Variants in RBM10 observed in about 807,000 individuals in gnomAD.
RBM10 encodes RNA binding motif protein 10, also known as RNA-binding protein 10.
RBM10 carries 1 observed loss-of-function variant against 84.9 expected under a neutral mutation model. The observed-to-expected ratio is 0.01, with a 90% CI of 0.00 to 0.06. The LOEUF is 0.06. RBM10 is among the 10% of genes least tolerant of loss of function. The pLI is 1.00. For synonymous variants in RBM10, 326 were observed against 344.5 expected, an observed-to-expected ratio of 0.95 and a Z score of 0.60; for missense variants, 438 against 839.0, an observed-to-expected ratio of 0.52 and a Z score of 5.90.
chrX:47,157,275 G>A, intron 2 of RBM10: 1 of 327,267 alleles, frequency 3.1e-6, no homozygotes, highest in Non-Finnish European at 6.0e-6. Flanking sequence ...CACGGTGTAG[G>A]ACTTGCTGAC....
chrX:47,183,796 A>G (rs1935707355), intron 17 of RBM10, among the ~76,000 whole-genome samples: 1 of 109,873 alleles, frequency 9.1e-6, no homozygotes, highest in South Asian at 3.9e-4. Flanking sequence ...TCCTGGGTTC[A>G]AGCAATTCTC....
chrX:47,151,994 T>C (rs985404849), intron 2 of RBM10, among the ~76,000 whole-genome samples: 1 of 111,490 alleles, frequency 9.0e-6, no homozygotes, highest in Non-Finnish European at 1.9e-5. Context: ...GTTGGATCGC[T>C]TGAGGCCAGG....
At chrX:47,154,640 G>A (rs967487352) in intron 2 of RBM10, among the ~76,000 whole-genome samples, 4 of 108,687 alleles carry the variant, frequency 3.7e-5, no homozygotes, top group African/African-American at 1.0e-4. Context: ...TAGTAGAGAC[G>A]GGGTTTCACC....
Position 47,145,230 on chromosome X carries a change from A to G in RBM10, c.-381A>G, listed in dbSNP as rs1556761488. ...CAGAGCGCGCTTCCTTAGTAGGTGG[A>G]TGGTGGTCGGAGCGCCGACTCCCTT... On this transcript the variant is annotated 5_prime_UTR_variant, in exon 1 of 24. It removes an upstream start codon present in the reference 5' UTR. Coordinates refer to ENST00000377604, the MANE Select transcript of RBM10 (RefSeq NM_005676.5). 2 of 456,405 alleles carry G rather than the reference A, an allele frequency of 4.4e-6. No individual in the cohort carries two copies. The highest frequency in any genetic ancestry group is 7.5e-5 in the East Asian group (2 of 26,614). 37.6% of individuals were successfully genotyped at this position (456,405 alleles called of 1,213,427 possible). A position where few individuals can be genotyped will look rare whatever the true frequency, so the allele number is the denominator to read the frequency against.
At chrX:47,156,447 A>T (rs1933153972) in intron 2 of RBM10, among the ~76,000 whole-genome samples, 2 of 111,233 alleles carry the variant, frequency 1.8e-5, no homozygotes, top group African/African-American at 6.5e-5. Context: ...CTTTTTCCTA[A>T]CGCTGGACCA....
chrX:47,154,982 C>A (rs1290542838), intron 2 of RBM10, among the ~76,000 whole-genome samples: 8 of 106,621 alleles, frequency 7.5e-5, no homozygotes. Flanking sequence ...CCCATCTCTA[C>A]TAAAAATACA....
At chrX:47,178,987 C>G in intron 7 of RBM10, 116 bp from the exon 8 acceptor site, 4 of 1,162,123 alleles carry the variant, frequency 3.4e-6, no homozygotes, top group Non-Finnish European at 4.6e-6. Flanking sequence ...CCACCATTGC[C>G]TAGGGGCTTT....
chrX:47,147,860 G>A (rs1932434473), intron 2 of RBM10, among the ~76,000 whole-genome samples: 1 of 111,554 alleles, frequency 9.0e-6, no homozygotes, highest in Admixed American at 9.5e-5. Flanking sequence ...GACAAGCCAG[G>A]TCAGATAGTG....
chrX:47,170,855 C>T (rs1278870602), intron 3 of RBM10, among the ~76,000 whole-genome samples, 173 bp from the exon 4 acceptor site: 1 of 112,485 alleles, frequency 8.9e-6, no homozygotes, highest in Non-Finnish European at 1.9e-5. Flanking sequence ...AATTTACAGT[C>T]CCAGAAAGAT....
chrX:47,184,599 C>T (rs1308306641), intron 17 of RBM10, among the ~76,000 whole-genome samples: 1 of 110,835 alleles, frequency 9.0e-6, no homozygotes, highest in Non-Finnish European at 1.9e-5. Context: ...TGTCCCTCAC[C>T]TTCTGATTGT....
In RBM10 at chrX:47,180,062, G is replaced by T. The variant is rs1197376976; in HGVS notation, c.1062+22G>T. On this transcript the variant is annotated intron_variant, in intron 10 of 23. Coordinates refer to ENST00000377604, the MANE Select transcript of RBM10 (RefSeq NM_005676.5). The stretch of plus-strand genomic sequence containing the variant: ...CGTGGTGAGGGCGGCACAGTTGGGG[G>T]CCGGGCAGCCAGGGTCCCGGCCCCC... 2.5e-6 allele frequency: 3 copies of T among 1,208,233 alleles called. No individual in the cohort carries two copies. In the African/African-American group the frequency reaches 5.2e-5, roughly 21 times the overall value.
chrX:47,152,565 G>A (rs1213774538), intron 2 of RBM10, among the ~76,000 whole-genome samples: 1 of 101,220 alleles, frequency 9.9e-6, no homozygotes, highest in Non-Finnish European at 2.0e-5. Flanking sequence ...TCCTGCCTCA[G>A]CCTTCCAAGT....
intron 2 of RBM10, among the ~76,000 whole-genome samples, chrX:47,155,868 G>A (rs1284274491): frequency 1.1e-5 from 1 of 88,346 alleles, no homozygotes; most frequent in African/African-American, 4.5e-5. Flanking sequence ...GGAGTGCAAT[G>A]ACACAATCTC....
At position 47,147,364 on chromosome X, in the gene RBM10, G is replaced by A. The variant is rs1556762384; in HGVS notation, c.-118G>A. 6.7e-6 allele frequency: 8 copies of A among 1,197,395 alleles called. No homozygotes were observed. The highest frequency in any genetic ancestry group is 7.9e-6 in the Non-Finnish European group (7 of 888,385). On this transcript the variant is annotated 5_prime_UTR_variant, in exon 2 of 24. Transcript: ENST00000377604. ...TCCCTCCACTCTCCCCAGAGTCCCT[G>A]CAGGAAGCATCACCCAGGCTGGCAG...
intron 2 of RBM10, among the ~76,000 whole-genome samples, chrX:47,164,045 T>G (rs1189001226): frequency 4.6e-5 from 5 of 107,934 alleles, no homozygotes; most frequent in African/African-American, 1.7e-4. Context: ...ATTTTTTGTA[T>G]TTTTTAGTAG....
Position 47,145,397 on chromosome X carries a change from G to C in RBM10, c.-214G>C, listed in dbSNP as rs1462203114. 1.3e-5 allele frequency: 15 copies of C among 1,131,749 alleles called. No individual in the cohort carries two copies. Among genetic ancestry groups the C allele is most frequent in the Non-Finnish European group, 1.8e-5 (15 of 850,994 alleles). The allele number at this position is 1,131,749 out of a possible 1,213,427, so 93.3% of individuals were successfully genotyped here. Reference sequence around the variant, plus strand: ...CTCGGACTTGGTTGTTGCGCGCTCCGGCTCCGGCTGAGCTGGGAGAGTTGG... The same window carrying C: ...CTCGGACTTGGTTGTTGCGCGCTCCCGCTCCGGCTGAGCTGGGAGAGTTGG... On this transcript the variant is annotated 5_prime_UTR_variant, in exon 1 of 24. Coordinates refer to ENST00000377604, the MANE Select transcript of RBM10 (RefSeq NM_005676.5).
At chrX:47,172,986 C>T (rs1027031654) in intron 4 of RBM10, 142 bp from the exon 5 acceptor site, 1 of 1,145,324 alleles carries the variant, frequency 8.7e-7, no homozygotes, top group Non-Finnish European at 1.2e-6. Flanking sequence ...TGTTGTCACT[C>T]AGGGAAAAGC....
Position 47,172,529 on chromosome X carries a change from C to T in RBM10, c.433-599C>T, listed in dbSNP as rs182095081. Among the ~76,000 whole-genome samples the T allele has an allele frequency of 3.6e-5, 4 of 112,253 alleles. No individual in the cohort carries two copies. In the East Asian group the frequency reaches 1.1e-3, roughly 32 times the overall value. ...AATTGCCTCTGCAGTTTCCCTCTGGCCTACTCCATCTGGGAAGCAATCCCC... is the reference window on the plus strand; with the variant it reads ...AATTGCCTCTGCAGTTTCCCTCTGGTCTACTCCATCTGGGAAGCAATCCCC... On this transcript the variant is annotated intron_variant, in intron 4 of 23. Coordinates refer to ENST00000377604, the MANE Select transcript of RBM10 (RefSeq NM_005676.5).
At chrX:47,157,947 T>A (rs1405485341) in intron 2 of RBM10, 1 of 224,630 alleles carries the variant, frequency 4.5e-6, no homozygotes, top group East Asian at 1.0e-4. Flanking sequence ...GGCTAGTTTT[T>A]GTATTTTTAG....
Sources: allele counts gnomAD v4.1 joint callset (sites outside exome capture counted in the v4.1 genomes callset), GRCh38; gene constraint gnomAD v4.1.1; transcripts MANE v1.5; gene names NCBI Gene and HGNC (gene_info 2026-07-23, HGNC 2026-07-21).